The following CTNNA2 variants were observed in gnomAD, a reference collection of about 807,000 sequenced individuals.
CTNNA2 encodes the protein catenin alpha-2.
In CTNNA2, 42 loss-of-function variants were observed where a neutral mutation model predicts 101.0. That is an observed-to-expected ratio of 0.42 (90% CI 0.32 to 0.54). The LOEUF (loss-of-function observed/expected upper bound fraction) is 0.54. Ranked by LOEUF, CTNNA2 falls within the 20% of genes least tolerant of loss-of-function variation. The pLI, the probability that CTNNA2 is intolerant of heterozygous loss-of-function variation, is 0.14. For missense variants in CTNNA2, 871 were observed against 1,223.1 expected (o/e 0.71, Z 4.29); for synonymous variants, 450 against 456.4 (o/e 0.99, Z 0.18).
chr2:80,188,583 T>C (rs1035372752), intron 7 of CTNNA2, among the ~76,000 whole-genome samples: 1 of 152,216 alleles, frequency 6.6e-6, no homozygotes, highest in African/African-American at 2.4e-5. Flanking sequence ...AAAATCCATT[T>C]CCTTGCCTTG....
At chr2:80,547,407 A>G (rs1692171150) in intron 11 of CTNNA2, among the ~76,000 whole-genome samples, 1 of 152,182 alleles carries the variant, frequency 6.6e-6, no homozygotes, top group South Asian at 2.1e-4. Flanking sequence ...GTAACTTGGC[A>G]GAGATGGTAT....
At chr2:80,284,557 C>G (rs1041917627) in intron 7 of CTNNA2, among the ~76,000 whole-genome samples, 1 of 152,058 alleles carries the variant, frequency 6.6e-6, no homozygotes, top group South Asian at 2.1e-4. Flanking sequence ...CTCTTCATTA[C>G]TGGGTTTTTC....
rs142948250 is a variant in CTNNA2, at chr2:80,192,629, C to T, written c.1057-200582C>T. ...GCAACCTCTGCCTCATGGGTTCAAGCGATTCTCCTGCCTCAGCCTCCCGAG... is the reference window on the plus strand; with the variant it reads ...GCAACCTCTGCCTCATGGGTTCAAGTGATTCTCCTGCCTCAGCCTCCCGAG... On this transcript the variant is annotated intron_variant, in intron 7 of 18. Coordinates refer to ENST00000402739, the MANE Select transcript of CTNNA2 (RefSeq NM_001282597.3). 1.4e-3 allele frequency among the ~76,000 whole-genome samples: 211 copies of T among 152,164 alleles called. 1 individual carries two copies. Among genetic ancestry groups the T allele is most frequent in the African/African-American group, 4.7e-3 (196 of 41,522 alleles).
At chr2:80,553,819 C>T (rs1692791426) in intron 11 of CTNNA2, among the ~76,000 whole-genome samples, 1 of 152,034 alleles carries the variant, frequency 6.6e-6, no homozygotes. Flanking sequence ...AATTCTCTGT[C>T]AATATTCATT....
At chr2:80,276,680 A>AGAAGAG (rs1673933285) in intron 7 of CTNNA2, among the ~76,000 whole-genome samples, 1 of 151,902 alleles carries the variant, frequency 6.6e-6, no homozygotes, top group Non-Finnish European at 1.5e-5. Flanking sequence ...AGGAAGAAGA[A>AGAAGAG]GAAGAGGAGG....
intron 2 of CTNNA2, among the ~76,000 whole-genome samples, chr2:79,678,542 C>CAAA (rs569707654): frequency 9.1e-5 from 9 of 99,032 alleles, no homozygotes; most frequent in Non-Finnish European, 1.8e-4. Context: ...CTCAAACAAA[C>CAAA]AAAAAAAAAA....
intron 9 of CTNNA2, among the ~76,000 whole-genome samples, chr2:80,467,933 A>G (rs962862748): frequency 1.3e-5 from 2 of 152,198 alleles, no homozygotes; most frequent in Admixed American, 1.3e-4. Context: ...TGTTGTTTAT[A>G]AATTACCCTA....
At chr2:80,431,551 G>A (rs947575560) in intron 9 of CTNNA2, among the ~76,000 whole-genome samples, 27 of 152,174 alleles carry the variant, frequency 1.8e-4, no homozygotes, top group Non-Finnish European at 2.1e-4. Context: ...GGGTTACAAG[G>A]AAAACATGTC....
At chr2:79,367,873 T>C (rs1035196090) in intron 3 of CTNNA2, among the ~76,000 whole-genome samples, 2 of 152,206 alleles carry the variant, frequency 1.3e-5, no homozygotes, top group African/African-American at 4.8e-5. Flanking sequence ...ACCATTATTA[T>C]AATCTGCAGT....
intron 9 of CTNNA2, among the ~76,000 whole-genome samples, chr2:80,493,300 CAT>C (rs112478203): frequency 1.7e-3 from 257 of 152,282 alleles, no homozygotes; most frequent in African/African-American, 5.9e-3. Flanking sequence ...CATCAATACA[CAT>C]GTTTCATTTT....
chr2:79,471,982 C>A (rs1335022879), intron 4 of CTNNA2, among the ~76,000 whole-genome samples: 1 of 152,196 alleles, frequency 6.6e-6, no homozygotes, highest in African/African-American at 2.4e-5. Context: ...AAGTCTTAAT[C>A]CTTCTCAGCA....
chr2:80,553,422 T>C (rs947791016), intron 11 of CTNNA2, among the ~76,000 whole-genome samples: 3 of 152,138 alleles, frequency 2.0e-5, no homozygotes, highest in African/African-American at 7.2e-5. Flanking sequence ...TAAAAACATA[T>C]TTCTTGCCTC....
chr2:79,740,449 CCTT>C (rs763980737), intron 2 of CTNNA2, among the ~76,000 whole-genome samples: 1 of 152,062 alleles, frequency 6.6e-6, no homozygotes, highest in Non-Finnish European at 1.5e-5. Context: ...ATACTTTTGT[CCTT>C]CTTTTGCTTT....
At chr2:79,882,066 G>T (rs1177909142) in intron 6 of CTNNA2, among the ~76,000 whole-genome samples, 1 of 151,870 alleles carries the variant, frequency 6.6e-6, no homozygotes, top group African/African-American at 2.4e-5. Flanking sequence ...TGCTTATGAA[G>T]CTTAGTTTGG....
chr2:79,931,825 A>G (rs753431750), intron 7 of CTNNA2, among the ~76,000 whole-genome samples: 1 of 152,174 alleles, frequency 6.6e-6, no homozygotes, highest in African/African-American at 2.4e-5. Flanking sequence ...GCTTAATGCT[A>G]TACAAGGCTC....
chr2:79,449,609 A>G (rs774429258), intron 4 of CTNNA2, among the ~76,000 whole-genome samples: 27 of 152,180 alleles, frequency 1.8e-4, no homozygotes, highest in African/African-American at 4.1e-4. Context: ...ACTTCAGGAA[A>G]CAGTTTACCT....
chr2:80,374,426 A>G (rs1373957951), intron 7 of CTNNA2, among the ~76,000 whole-genome samples: 1 of 152,188 alleles, frequency 6.6e-6, no homozygotes, highest in East Asian at 1.9e-4. Flanking sequence ...TCCATGGTGT[A>G]TATGTAACAC....
At chr2:80,357,030 A>C (rs969081326) in intron 7 of CTNNA2, among the ~76,000 whole-genome samples, 6 of 152,166 alleles carry the variant, frequency 3.9e-5, no homozygotes, top group Admixed American at 3.9e-4. Flanking sequence ...CAGGCAGGCT[A>C]ACCACTCATA....
chr2:79,593,861 C>T (rs1677018708), intron 1 of CTNNA2, among the ~76,000 whole-genome samples: 1 of 151,142 alleles, frequency 6.6e-6, no homozygotes. Flanking sequence ...ATCTGAGCCC[C>T]AGTGCTGCCT....
Sources: allele counts gnomAD v4.1 joint callset (sites outside exome capture counted in the v4.1 genomes callset), GRCh38; gene constraint gnomAD v4.1.1; transcripts MANE v1.5; gene names NCBI Gene and HGNC (gene_info 2026-07-23, HGNC 2026-07-21).